The following DPP6 variants were observed in gnomAD, a reference collection of about 807,000 sequenced individuals.
The protein encoded by DPP6 is A-type potassium channel modulatory protein DPP6.
In DPP6, 69 loss-of-function variants were observed where a neutral mutation model predicts 122.6. The observed-to-expected ratio is 0.56, with a 90% CI of 0.46 to 0.69. DPP6 has a LOEUF of 0.69. Among genes scored for constraint, DPP6 ranks in the 30% least tolerant of loss-of-function variants. The pLI, the probability that DPP6 is intolerant of heterozygous loss-of-function variation, is 0.00. For missense variants in DPP6, 928 were observed against 1,116.9 expected (o/e 0.83, Z 2.41); for synonymous variants, 418 against 433.1 (o/e 0.97, Z 0.43).
intron 8 of DPP6, among the ~76,000 whole-genome samples, chr7:154,745,237 C>T (rs772300549): frequency 6.6e-6 from 1 of 152,154 alleles, no homozygotes; most frequent in Non-Finnish European, 1.5e-5. Flanking sequence ...CTGGAGGTCT[C>T]CATAGTGGAG....
chr7:154,597,897 A>C (rs1240073726), intron 5 of DPP6, among the ~76,000 whole-genome samples: 1 of 152,044 alleles, frequency 6.6e-6, no homozygotes, highest in Non-Finnish European at 1.5e-5. Context: ...CCTTGTGTGC[A>C]TGTCTGTCTC....
chr7:154,746,859 A>G (rs1349317818), intron 8 of DPP6, among the ~76,000 whole-genome samples: 1 of 152,236 alleles, frequency 6.6e-6, no homozygotes, highest in African/African-American at 2.4e-5. Context: ...TGTATCTTGG[A>G]AATGAACTCC....
chr7:154,526,800 T>C (rs1156753059), intron 3 of DPP6, among the ~76,000 whole-genome samples: 1 of 152,178 alleles, frequency 6.6e-6, no homozygotes, highest in Non-Finnish European at 1.5e-5. Context: ...TGAGAGGCAG[T>C]GTATCTACAT....
intron 1 of DPP6, among the ~76,000 whole-genome samples, chr7:154,073,606 A>G (rs1585316185): frequency 6.6e-6 from 1 of 152,366 alleles, no homozygotes; most frequent in African/African-American, 2.4e-5. Flanking sequence ...TAATACATGA[A>G]TGAACTTCAG....
chr7:154,637,936 T>G, intron 6 of DPP6, 63 bp downstream of exon 6: 1 of 1,521,220 alleles, frequency 6.6e-7, no homozygotes, highest in Non-Finnish European at 8.9e-7. Context: ...GGGTAGAACA[T>G]GGACGAGCTG....
chr7:154,519,780 C>T (rs369064951), intron 3 of DPP6, among the ~76,000 whole-genome samples: 1 of 151,918 alleles, frequency 6.6e-6, no homozygotes, highest in South Asian at 2.1e-4. Flanking sequence ...ACCTAAAATT[C>T]TTCTGGAATA....
chr7:154,422,542 A>G (rs888971684), intron 1 of DPP6, among the ~76,000 whole-genome samples: 4 of 152,132 alleles, frequency 2.6e-5, no homozygotes, highest in African/African-American at 9.7e-5. Context: ...AGTTAATGCC[A>G]GGTCTGATCA....
At chr7:153,774,427 A>G in the DPP6 span, among the ~76,000 whole-genome samples, 2 of 152,178 alleles carry the variant, frequency 1.3e-5, no homozygotes, top group Non-Finnish European at 2.9e-5. Context: ...TCTTTGTGTC[A>G]GTTGTTTACA....
At chr7:153,800,837 T>C in the DPP6 span, among the ~76,000 whole-genome samples, 1 of 152,132 alleles carries the variant, frequency 6.6e-6, no homozygotes, top group East Asian at 1.9e-4. Context: ...AACTTTATTA[T>C]ATATTTCAAA....
chr7:154,622,472 T>C (rs1031216978), intron 5 of DPP6, among the ~76,000 whole-genome samples: 3 of 152,210 alleles, frequency 2.0e-5, no homozygotes, highest in African/African-American at 7.2e-5. Context: ...GTACAGGGTC[T>C]GGTTGGACAA....
Position 154,662,240 on chromosome 7 carries a change from G to A in DPP6, c.681-7120G>A, listed in dbSNP as rs186921519. Among the ~76,000 whole-genome samples, 235 of 151,608 alleles carry A rather than the reference G, an allele frequency of 1.6e-3. 2 individuals are homozygous for A. The highest frequency in any genetic ancestry group is 5.1e-3 in the African/African-American group (209 of 41,306). ...CACGCAGTCATGGTGAATCACCATG[G>A]CGTATTAGCCATAGTGTTCATATAG... On this transcript the variant is annotated intron_variant, in intron 6 of 25. Coordinates refer to ENST00000377770, the MANE Select transcript of DPP6 (RefSeq NM_130797.4).
intron 5 of DPP6, among the ~76,000 whole-genome samples, chr7:154,585,054 G>T: frequency 6.6e-6 from 1 of 152,048 alleles, no homozygotes; most frequent in East Asian, 1.9e-4. Flanking sequence ...AACTCCCCCT[G>T]CTCTGCTTCC....
intron 1 of DPP6, among the ~76,000 whole-genome samples, chr7:154,237,739 A>T (rs950713602): frequency 1.3e-5 from 2 of 152,220 alleles, no homozygotes; most frequent in African/African-American, 4.8e-5. Flanking sequence ...AGGGATCTGC[A>T]TTCTGTTCCT....
chr7:154,342,332 C>T (rs767279353), intron 1 of DPP6, among the ~76,000 whole-genome samples: 28 of 152,216 alleles, frequency 1.8e-4, no homozygotes, highest in African/African-American at 4.3e-4. Context: ...GGATTTGAGC[C>T]GGGGATAGGG....
intron 1 of DPP6, among the ~76,000 whole-genome samples, chr7:153,959,754 T>C (rs1795252056): frequency 6.6e-6 from 1 of 152,248 alleles, no homozygotes; most frequent in African/African-American, 2.4e-5. Context: ...ATGTCAGCAA[T>C]AAGGCTGTTT....
intron 6 of DPP6, among the ~76,000 whole-genome samples, chr7:154,668,219 A>ATATATATATATATATATATATATATATT (rs1554430259): frequency 1.8e-5 from 1 of 54,404 alleles, no homozygotes; most frequent in Non-Finnish European, 4.7e-5. Context: ...ATATATATAT[A>ATATATATATATATATATATATATATATT]ATATACACAT....
At chr7:154,392,443 G>A (rs909296650) in intron 1 of DPP6, among the ~76,000 whole-genome samples, 1 of 152,142 alleles carries the variant, frequency 6.6e-6, no homozygotes, top group African/African-American at 2.4e-5. Context: ...CGCAGCCCCT[G>A]GAGGTTATTT....
intron 1 of DPP6, among the ~76,000 whole-genome samples, chr7:153,974,701 C>G (rs1202365639): frequency 6.6e-6 from 1 of 152,190 alleles, no homozygotes; most frequent in Non-Finnish European, 1.5e-5. Context: ...AACATTCTGT[C>G]CTTTGTTTCA....
intron 1 of DPP6, among the ~76,000 whole-genome samples, chr7:154,115,925 A>G (rs1291633706): frequency 6.6e-6 from 1 of 152,020 alleles, no homozygotes; most frequent in Non-Finnish European, 1.5e-5. Flanking sequence ...CTCATTTGAG[A>G]GTTCAAGTTC....
Sources: gnomAD v4.1 joint callset for allele counts (sites outside exome capture counted in the v4.1 genomes callset) on GRCh38, gnomAD v4.1.1 for gene constraint, MANE v1.5 for transcripts, NCBI Gene and HGNC (gene_info 2026-07-23, HGNC 2026-07-21) for gene names.